Variants in BMS1 observed in about 807,000 individuals in gnomAD.
BMS1 encodes BMS1 ribosome biogenesis factor.
In BMS1, 53 loss-of-function variants were observed where a neutral mutation model predicts 138.7. The observed-to-expected ratio is 0.38, with a 90% CI of 0.31 to 0.48. The LOEUF (loss-of-function observed/expected upper bound fraction) is 0.48, where lower values mean the gene tolerates loss of function less well. Ranked by LOEUF, BMS1 falls within the 20% of genes least tolerant of loss-of-function variation. The probability of loss-of-function intolerance (pLI) is 0.97; values close to 1 mark genes in which losing one functional copy is unlikely to be tolerated. For missense variants in BMS1, 1,360 were observed against 1,565.5 expected, an observed-to-expected ratio of 0.87 and a Z score of 2.22; for synonymous variants, 504 against 539.9, an observed-to-expected ratio of 0.93 and a Z score of 0.92.
chr10:42,820,874 G>T, intron 17 of BMS1, 60 bp from the exon 18 acceptor site: 2 of 1,444,566 alleles, frequency 1.4e-6, no homozygotes, highest in South Asian at 1.1e-5. Context: ...TATCCAGTAT[G>T]TTAAACTAGA....
At chr10:42,804,965 G>A (rs778181804) in intron 13 of BMS1, among the ~76,000 whole-genome samples, 3 of 152,028 alleles carry the variant, frequency 2.0e-5, no homozygotes, top group African/African-American at 4.8e-5. Flanking sequence ...TGATCCATCC[G>A]CCTCAGCCTC....
chr10:42,792,265 C>G (rs531492868), intron 6 of BMS1, among the ~76,000 whole-genome samples: 1 of 152,288 alleles, frequency 6.6e-6, no homozygotes, highest in Non-Finnish European at 1.5e-5. Flanking sequence ...ACGTCATCTC[C>G]CTGTCTGGTG....
chr10:42,828,487 G>A (rs1227798126), intron 21 of BMS1, among the ~76,000 whole-genome samples: 3 of 152,206 alleles, frequency 2.0e-5, no homozygotes, highest in African/African-American at 7.2e-5. Context: ...CAGGGCACCT[G>A]TGCTCTGCTT....
intron 9 of BMS1, 42 bp downstream of exon 9, chr10:42,794,033 AC>A: frequency 6.3e-7 from 1 of 1,593,296 alleles, no homozygotes; most frequent in East Asian, 2.2e-5. Context: ...AAGATGTATT[AC>A]AAAAGATCAT....
intron 7 of BMS1, 65 bp downstream of exon 7, chr10:42,792,679 A>G: frequency 6.4e-7 from 1 of 1,553,382 alleles, no homozygotes; most frequent in Non-Finnish European, 8.6e-7. Flanking sequence ...TTCATTTCTC[A>G]GGAAAACTGA....
intron 4 of BMS1, among the ~76,000 whole-genome samples, chr10:42,787,858 A>G (rs370367747): frequency 6.6e-6 from 1 of 152,236 alleles, no homozygotes. Flanking sequence ...TGTATGGAAA[A>G]TGTAAATGCT....
chr10:42,806,250 G>T (rs896333818), intron 13 of BMS1, among the ~76,000 whole-genome samples: 1 of 152,176 alleles, frequency 6.6e-6, no homozygotes, highest in Non-Finnish European at 1.5e-5. Flanking sequence ...GGTTCTGGGA[G>T]CCAAGCAGGA....
Position 42,823,345 on chromosome 10 carries a change from T to C in BMS1, c.3280+80T>C, listed in dbSNP as rs573087369. On this transcript the variant is annotated intron_variant, in intron 20 of 22. Coordinates refer to ENST00000374518, the MANE Select transcript of BMS1 (RefSeq NM_014753.4). ...TAGCCAGTGTGACGAGAGGCTGGAG[T>C]CAGGTCTCTAGAGAGTTGAGCAGCT... 1.4e-4 allele frequency: 206 copies of C among 1,476,232 alleles called. 2 individuals carry two copies. In the South Asian group the frequency reaches 2.9e-3, roughly 21 times the overall value. The allele number at this position is 1,476,232 out of a possible 1,614,324, so 91.4% of individuals were successfully genotyped here.
chr10:42,789,957 A>G (rs1841449736), intron 4 of BMS1, among the ~76,000 whole-genome samples: 2 of 152,184 alleles, frequency 1.3e-5, no homozygotes, highest in Admixed American at 1.3e-4. Context: ...ATGGAAGTTT[A>G]TATCCTAGTG....
chr10:42,806,067 A>C (rs1209644074), intron 13 of BMS1, among the ~76,000 whole-genome samples: 2 of 152,150 alleles, frequency 1.3e-5, no homozygotes, highest in Admixed American at 6.5e-5. Flanking sequence ...GTAAACTTTG[A>C]CTAAACAGTA....
At chr10:42,808,695 T>G (rs1325522041) in intron 13 of BMS1, among the ~76,000 whole-genome samples, 1 of 152,220 alleles carries the variant, frequency 6.6e-6, no homozygotes, top group African/African-American at 2.4e-5. Flanking sequence ...TTTTTCATTT[T>G]ATGAGATATG....
In BMS1 at chr10:42,813,598, G is replaced by A. The variant is rs549772895; in HGVS notation, c.2330-3001G>A. ...ATAGTTTTTGTTTCAGTTGTCAAGT[G>A]TGATTTTAAGAACTGCGGATTGTCT... On this transcript the variant is annotated intron_variant, in intron 13 of 22. Coordinates refer to ENST00000374518, the MANE Select transcript of BMS1 (RefSeq NM_014753.4). 2.0e-4 allele frequency among the ~76,000 whole-genome samples: 31 copies of A among 152,264 alleles called. 1 individual carries two copies. In the South Asian group the frequency reaches 6.4e-3, roughly 32 times the overall value.
In BMS1 at chr10:42,831,405, T is replaced by G. The variant is rs1470678363; in HGVS notation, c.*309T>G. 1 of 242,110 alleles carries G rather than the reference T, an allele frequency of 4.1e-6. No homozygotes were observed. The highest frequency in any genetic ancestry group is 5.0e-5 in the Admixed American group (1 of 20,148). 15.0% of individuals were successfully genotyped at this position (242,110 alleles called of 1,614,324 possible). A position where few individuals can be genotyped will look rare whatever the true frequency, so the allele number is the denominator to read the frequency against. ...ATCATTAAAATATTTTTTTGTTACT[T>G]TTGGCTTAGTAGTTTTCATTAGGGA... is the stretch of plus-strand genomic sequence containing the variant. On this transcript the variant is annotated 3_prime_UTR_variant, in exon 23 of 23. Transcript: ENST00000374518.
rs890240055 is a variant in BMS1, at chr10:42,796,909, T to C, written c.1665T>C (p.Asn555=). ...GTAAAGCAGGGCTGTCACCAGCTAA[T>C]TGCCAGAGTGACCGTGTGAATCTGG... is the stretch of plus-strand genomic sequence containing the variant. ...EGSKAGLSPA[N]CQSDRVNLEK... is the part of the protein sequence containing the mutation. Residue 555 remains asparagine (N), a synonymous_variant, in exon 10 of 23, where the codon AAT becomes AAC. Transcript: ENST00000374518. 3.1e-6 allele frequency: 5 copies of C among 1,614,178 alleles called. 1 individual carries two copies. In the Middle Eastern group the frequency reaches 6.6e-4, roughly 213 times the overall value.
intron 12 of BMS1, among the ~76,000 whole-genome samples, chr10:42,798,859 C>T (rs1355138964): frequency 6.6e-6 from 1 of 152,180 alleles, no homozygotes; most frequent in Admixed American, 6.5e-5. Context: ...TCAGTGTGGA[C>T]AGTAGTGTGC....
At chr10:42,799,301 T>C (rs1162114268) in intron 12 of BMS1, among the ~76,000 whole-genome samples, 1 of 152,128 alleles carries the variant, frequency 6.6e-6, no homozygotes, top group Non-Finnish European at 1.5e-5. Context: ...GTAGAGATAA[T>C]GTTTCACCAT....
chr10:42,817,811 A>G (rs1465853402), intron 15 of BMS1, among the ~76,000 whole-genome samples: 4 of 152,198 alleles, frequency 2.6e-5, no homozygotes, highest in African/African-American at 9.6e-5. Flanking sequence ...CAGTGTGTTC[A>G]TTTCAGTGCA....
At position 42,823,865 on chromosome 10, in the gene BMS1, C is replaced by T; in HGVS notation, c.3456+81C>T. 3.4e-6 allele frequency: 4 copies of T among 1,191,800 alleles called. No individual in the cohort carries two copies. The East Asian group carries it at 1.1e-4, about 33-fold the overall frequency. The allele number at this position is 1,191,800 out of a possible 1,614,324, so 73.8% of individuals were successfully genotyped here. On this transcript the variant is annotated intron_variant, in intron 21 of 22. Transcript: ENST00000374518. ...TCACACAGACACTTTTCTATAATTT[C>T]TTACATGCTTTGAATGTTCAAGTAT...
intron 13 of BMS1, among the ~76,000 whole-genome samples, chr10:42,804,730 ATT>A (rs60467901): frequency 6.1e-5 from 9 of 147,146 alleles, no homozygotes; most frequent in Admixed American, 1.4e-4. Context: ...TCAAAAAAAA[ATT>A]TTTTTTTTTT....
Sources: allele counts gnomAD v4.1 joint callset (sites outside exome capture counted in the v4.1 genomes callset), GRCh38; gene constraint gnomAD v4.1.1; transcripts MANE v1.5; gene names NCBI Gene and HGNC (gene_info 2026-07-23, HGNC 2026-07-21).